Variants in ETV5 observed in about 807,000 individuals in gnomAD.
ETV5 encodes ETS variant transcription factor 5, also known as ETS translocation variant 5.
ETV5 carries 10 observed loss-of-function variants against 70.0 expected under a neutral mutation model. The observed-to-expected ratio is 0.14, with a 90% CI of 0.09 to 0.24. The LOEUF (loss-of-function observed/expected upper bound fraction) is 0.24, where lower values mean the gene tolerates loss of function less well. Among genes scored for constraint, ETV5 ranks in the 10% least tolerant of loss-of-function variants. The probability of loss-of-function intolerance (pLI) is 1.00; values close to 1 mark genes in which losing one functional copy is unlikely to be tolerated. For missense variants in ETV5, 453 were observed against 651.2 expected, an observed-to-expected ratio of 0.70 and a Z score of 3.31; for synonymous variants, 216 against 242.2, an observed-to-expected ratio of 0.89 and a Z score of 1.01.
intron 9 of ETV5, among the ~76,000 whole-genome samples, chr3:186,063,059 C>G (rs1297920770): frequency 1.3e-5 from 2 of 152,150 alleles, no homozygotes; most frequent in Non-Finnish European, 2.9e-5. Flanking sequence ...ATCACGAGGT[C>G]AGGAGATTGA....
At chr3:186,055,886 C>A (rs934935983) in intron 11 of ETV5, among the ~76,000 whole-genome samples, 1 of 152,148 alleles carries the variant, frequency 6.6e-6, no homozygotes, top group African/African-American at 2.4e-5. Flanking sequence ...GTGTTGTTCC[C>A]AATTTAATTA....
In ETV5 at chr3:186,046,932, A is replaced by G. The variant is rs1024755316; in HGVS notation, c.*1707T>C. ...CAATAGAGGAGAATCTCATGTTTCCATAGCTATAAAGTGCACCCCTTATCC... is the reference window on the plus strand; with the variant it reads ...CAATAGAGGAGAATCTCATGTTTCCGTAGCTATAAAGTGCACCCCTTATCC... On this transcript the variant is annotated 3_prime_UTR_variant, in exon 13 of 13. Coordinates refer to ENST00000306376, the MANE Select transcript of ETV5 (RefSeq NM_004454.3). The G allele has an allele frequency of 8.7e-6, 2 of 230,794 alleles. No homozygotes were observed. The highest frequency in any genetic ancestry group is 4.4e-5 in the African/African-American group (2 of 45,204). 14.3% of individuals were successfully genotyped at this position (230,794 alleles called of 1,614,324 possible).
In ETV5 at chr3:186,105,527, G is replaced by A; in HGVS notation, c.134-31C>T. On this transcript the variant is annotated intron_variant, in intron 3 of 12. Transcript: ENST00000306376. This position sits in a 1 kb window ranked among gnomAD's most constrained non-coding sequence, Gnocchi z 4.5. ...ATTGAAAAAGAAGACCCCAGAATGA[G>A]GATATTTCTTTCGCTAGGGAGAAGA... 6.2e-7 allele frequency: 1 copy of A among 1,613,768 alleles called. No individual in the cohort carries two copies. Among genetic ancestry groups the A allele is most frequent in the African/African-American group, 1.3e-5 (1 of 75,008 alleles).
intron 9 of ETV5, among the ~76,000 whole-genome samples, chr3:186,058,236 C>T (rs945657862): frequency 2.6e-5 from 4 of 152,176 alleles, no homozygotes; most frequent in African/African-American, 9.7e-5. Flanking sequence ...TCCACAAACC[C>T]CTAATATACA....
chr3:186,094,659 C>T (rs769924654), intron 5 of ETV5, among the ~76,000 whole-genome samples: 3 of 152,020 alleles, frequency 2.0e-5, no homozygotes, highest in Admixed American at 6.6e-5. Flanking sequence ...GGTCAGGAGA[C>T]GAGAAAAGAA....
At chr3:186,089,458 G>A (rs1263953517) in intron 5 of ETV5, among the ~76,000 whole-genome samples, 3 of 152,126 alleles carry the variant, frequency 2.0e-5, no homozygotes, top group Non-Finnish European at 2.9e-5. Flanking sequence ...GCTAAAAACC[G>A]TTTAATGAGC....
chr3:186,075,494 CTTAAT>C (rs1188226896), intron 7 of ETV5, among the ~76,000 whole-genome samples: 2 of 152,192 alleles, frequency 1.3e-5, no homozygotes, highest in Non-Finnish European at 2.9e-5. Flanking sequence ...TATAAAATCT[CTTAAT>C]TTATCTAGCA....
chr3:186,103,620 AACAC>A lies in ETV5; in HGVS notation c.232+1681_232+1684del, dbSNP rs10534124. 4.2e-3 allele frequency among the ~76,000 whole-genome samples: 599 copies of A among 142,954 alleles called. 4 individuals carry two copies. The highest frequency in any genetic ancestry group is 9.7e-3 in the African/African-American group (369 of 37,998). The allele number at this position is 142,954 out of a possible 152,430, so 93.8% of individuals were successfully genotyped here. A position where few individuals can be genotyped will look rare whatever the true frequency, so the allele number is the denominator to read the frequency against. On this transcript the variant is annotated intron_variant, in intron 5 of 12. Transcript: ENST00000306376. The stretch of plus-strand genomic sequence containing the variant: ...TACAAACCCTGTCTTTCATCTTGCA[AACAC>A]ACACACACACACACACACACACACA...
intron 5 of ETV5, among the ~76,000 whole-genome samples, chr3:186,094,778 A>G (rs1343995607): frequency 2.0e-5 from 3 of 152,214 alleles, no homozygotes; most frequent in African/African-American, 7.2e-5. Context: ...AGAGTGTCGC[A>G]TCTCAGAACT....
intron 5 of ETV5, among the ~76,000 whole-genome samples, chr3:186,081,907 A>G (rs1338433018): frequency 6.6e-6 from 1 of 152,204 alleles, no homozygotes; most frequent in Non-Finnish European, 1.5e-5. Context: ...CCTTTCATAG[A>G]TGGTGCAGTG....
intron 5 of ETV5, among the ~76,000 whole-genome samples, chr3:186,086,081 C>T (rs754782236): frequency 1.3e-5 from 2 of 152,152 alleles, no homozygotes; most frequent in Non-Finnish European, 2.9e-5. Context: ...GAAGATCTTG[C>T]GTGAGCTGTC....
intron 7 of ETV5, among the ~76,000 whole-genome samples, chr3:186,072,559 A>G (rs1310956947): frequency 6.6e-6 from 1 of 152,182 alleles, no homozygotes; most frequent in Non-Finnish European, 1.5e-5. Context: ...CTTCACAATG[A>G]TGTTTATTTT....
At chr3:186,106,921 G>T (rs1560058566) in intron 1 of ETV5, 4 of 983,264 alleles carry the variant, frequency 4.1e-6, no homozygotes, top group Non-Finnish European at 4.8e-6. Flanking sequence ...TCAACAAAAG[G>T]TGGAAAAACA....
At chr3:186,065,114 C>T (rs989766920) in intron 8 of ETV5, among the ~76,000 whole-genome samples, 3 of 152,092 alleles carry the variant, frequency 2.0e-5, no homozygotes, top group South Asian at 2.1e-4. Context: ...CAGTGTCCAT[C>T]GAGACGAAAG....
intron 5 of ETV5, among the ~76,000 whole-genome samples, chr3:186,083,938 T>C (rs1713992953): frequency 6.6e-6 from 1 of 152,136 alleles, no homozygotes. Context: ...TCTGTGGGAC[T>C]AGAGGATGTG....
chr3:186,071,176 A>T (rs1043055707), intron 7 of ETV5, among the ~76,000 whole-genome samples: 1 of 152,144 alleles, frequency 6.6e-6, no homozygotes, highest in Non-Finnish European at 1.5e-5. Flanking sequence ...GCCAGCACAC[A>T]GAGTAAACAC....
In ETV5 at chr3:186,088,360, A is replaced by G. The variant is rs111327511; in HGVS notation, c.233-7185T>C. ...CTCCCATTACACTTGAACAAATATG[A>G]TGTGGAATGTACACAAATAGTAATG... On this transcript the variant is annotated intron_variant, in intron 5 of 12. Coordinates refer to ENST00000306376, the MANE Select transcript of ETV5 (RefSeq NM_004454.3). 4.7e-3 allele frequency among the ~76,000 whole-genome samples: 716 copies of G among 152,264 alleles called. 6 individuals carry two copies. The highest frequency in any genetic ancestry group is 0.017 in the African/African-American group (688 of 41,546).
intron 9 of ETV5, among the ~76,000 whole-genome samples, chr3:186,059,418 C>A (rs1378064978): frequency 6.6e-6 from 1 of 152,054 alleles, no homozygotes; most frequent in African/African-American, 2.4e-5. Flanking sequence ...GGGCGACAGA[C>A]AATAAAGGAG....
intron 7 of ETV5, among the ~76,000 whole-genome samples, chr3:186,074,864 A>G (rs1258665288): frequency 1.4e-5 from 2 of 143,044 alleles, no homozygotes; most frequent in East Asian, 4.4e-4. Context: ...GTCTCCAAAA[A>G]AAAAAAAAAA....
Sources: gnomAD v4.1 joint callset for allele counts (sites outside exome capture counted in the v4.1 genomes callset) on GRCh38, gnomAD v4.1.1 for gene constraint, Gnocchi (gnomAD v3.1) non-coding constraint, MANE v1.5 for transcripts, NCBI Gene and HGNC (gene_info 2026-07-23, HGNC 2026-07-21) for gene names.